Variants in CREG2 observed in about 807,000 individuals in gnomAD.
CREG2 encodes cellular repressor of E1A stimulated genes 2.
In CREG2, 24 loss-of-function variants were observed where a neutral mutation model predicts 26.2. The observed-to-expected ratio is 0.92, with a 90% CI of 0.66 to 1.29. The LOEUF (loss-of-function observed/expected upper bound fraction) is 1.29, where lower values mean the gene tolerates loss of function less well. CREG2 is among the 50% of genes most tolerant of loss of function. CREG2 has a pLI of 0.00. For synonymous variants in CREG2, 174 were observed against 169.2 expected, an observed-to-expected ratio of 1.03 and a Z score of -0.22; for missense variants, 366 against 398.6, an observed-to-expected ratio of 0.92 and a Z score of 0.70.
intron 2 of CREG2, among the ~76,000 whole-genome samples, chr2:101,363,526 T>C (rs764886095): frequency 2.0e-5 from 3 of 152,196 alleles, no homozygotes; most frequent in Non-Finnish European, 4.4e-5. Context: ...GATAGTATAT[T>C]TAAAAGTCTG....
intron 2 of CREG2, among the ~76,000 whole-genome samples, chr2:101,358,960 G>A (rs1279247768): frequency 5.8e-5 from 3 of 51,296 alleles, no homozygotes; most frequent in African/African-American, 1.3e-4. Context: ...GCGTGAACCC[G>A]GGAGGCGGAG....
chr2:101,355,283 ACTT>A lies in CREG2; in HGVS notation c.692_694del (p.Glu231del), dbSNP rs976070973. Reference sequence around the variant, plus strand: ...AAACATGGCTTGCTTGGCAAATTCTACTTCTTCTGGAGACACTGCGATCATCTG... The same window carrying A: ...AAACATGGCTTGCTTGGCAAATTCTACTTCTGGAGACACTGCGATCATCTG... On this transcript the variant is annotated inframe_deletion, in exon 3 of 4. Transcript: ENST00000324768. 4.3e-6 allele frequency: 7 copies of A among 1,613,428 alleles called. No individual in the cohort carries two copies. The highest frequency in any genetic ancestry group is 2.7e-5 in the African/African-American group (2 of 74,910).
intron 2 of CREG2, 98 bp downstream of exon 2, chr2:101,383,435 G>T: frequency 8.9e-7 from 1 of 1,118,928 alleles, no homozygotes; most frequent in Non-Finnish European, 1.3e-6. Flanking sequence ...GCATCTCAGA[G>T]TTCTGTTAAA....
At chr2:101,360,313 G>T (rs1684520898) in intron 2 of CREG2, among the ~76,000 whole-genome samples, 1 of 152,116 alleles carries the variant, frequency 6.6e-6, no homozygotes, top group Admixed American at 6.5e-5. Flanking sequence ...CCACAGATAG[G>T]TCTGTGGCTT....
chr2:101,367,405 C>T (rs562552437), intron 2 of CREG2, among the ~76,000 whole-genome samples: 1 of 152,296 alleles, frequency 6.6e-6, no homozygotes, highest in African/African-American at 2.4e-5. Flanking sequence ...TTGAATCTCA[C>T]ATGTGTTTGA....
chr2:101,354,796 C>T (rs937308085), intron 3 of CREG2, among the ~76,000 whole-genome samples: 4 of 151,878 alleles, frequency 2.6e-5, no homozygotes, highest in East Asian at 1.9e-4. Flanking sequence ...GCCTCATTTC[C>T]GGAGAGTTTG....
At chr2:101,377,291 T>G (rs552068306) in intron 2 of CREG2, among the ~76,000 whole-genome samples, 1 of 152,236 alleles carries the variant, frequency 6.6e-6, no homozygotes, top group African/African-American at 2.4e-5. Flanking sequence ...GAAAAGCATC[T>G]GATAAAACCT....
chr2:101,385,037 G>A (rs1468046187), intron 1 of CREG2, among the ~76,000 whole-genome samples: 1 of 152,160 alleles, frequency 6.6e-6, no homozygotes, highest in Non-Finnish European at 1.5e-5. Flanking sequence ...ATGCAGAACT[G>A]TGAGCCAAAT....
intron 2 of CREG2, among the ~76,000 whole-genome samples, chr2:101,356,409 GTTA>G (rs1169500658): frequency 2.6e-5 from 4 of 152,204 alleles, no homozygotes; most frequent in African/African-American, 9.7e-5. Context: ...AAAATGGGGA[GTTA>G]TTATTCAGAG....
rs535426667 is a variant in CREG2, at chr2:101,353,891, C to T, written c.725+1362G>A. On this transcript the variant is annotated intron_variant, in intron 3 of 3. Transcript: ENST00000324768. Reference sequence around the variant, plus strand: ...AAAAAAACCAAACACTGCATGTTCTCACTCATAAGTGGGAGTTGAACAATG... The same window carrying T: ...AAAAAAACCAAACACTGCATGTTCTTACTCATAAGTGGGAGTTGAACAATG... 5.9e-5 allele frequency among the ~76,000 whole-genome samples: 9 copies of T among 152,300 alleles called. No homozygotes were observed. The South Asian group carries it at 1.7e-3, about 28-fold the overall frequency.
intron 2 of CREG2, among the ~76,000 whole-genome samples, chr2:101,374,056 G>A (rs923074889): frequency 2.0e-5 from 3 of 152,116 alleles, no homozygotes; most frequent in African/African-American, 7.2e-5. Context: ...TGTAGAGATG[G>A]GGTTTCACCC....
In CREG2 at chr2:101,349,123, C is replaced by T. The variant is rs1055389988; in HGVS notation, c.*1800G>A. The T allele has an allele frequency of 6.6e-6, 1 of 152,632 alleles. No homozygotes were observed. Among genetic ancestry groups the T allele is most frequent in the African/African-American group, 2.4e-5 (1 of 41,442 alleles). 9.5% of individuals were successfully genotyped at this position (152,632 alleles called of 1,614,324 possible). On this transcript the variant is annotated 3_prime_UTR_variant, in exon 4 of 4. Transcript: ENST00000324768. Reference sequence around the variant, plus strand: ...AAGACAGGATCAGGAGGCAGAGAAGCTCCCAGTATTAAGGTGTGAGGTTGA... The same window carrying T: ...AAGACAGGATCAGGAGGCAGAGAAGTTCCCAGTATTAAGGTGTGAGGTTGA...
At chr2:101,360,220 C>G (rs1359909068) in intron 2 of CREG2, among the ~76,000 whole-genome samples, 1 of 152,136 alleles carries the variant, frequency 6.6e-6, no homozygotes, top group African/African-American at 2.4e-5. Context: ...TACCACCTAC[C>G]TGCCTCTCTT....
intron 2 of CREG2, among the ~76,000 whole-genome samples, chr2:101,381,645 GT>G (rs1321399086): frequency 6.6e-6 from 1 of 152,220 alleles, no homozygotes. Context: ...CTGAGAAACA[GT>G]TTTACAAGAA....
chr2:101,346,265 TA>T lies in CREG2; in HGVS notation c.*4657del, dbSNP rs1484492989. On this transcript the variant is annotated 3_prime_UTR_variant, in exon 4 of 4. Transcript: ENST00000324768. ...CATGGATATATATAGTCACTGTAAA[TA>T]AAAACATGGTGGTCTGGATAGACTT... 1 of 152,172 alleles carries T rather than the reference TA, an allele frequency of 6.6e-6. No homozygotes were observed. Among genetic ancestry groups the T allele is most frequent in the Non-Finnish European group, 1.5e-5 (1 of 68,028 alleles). 9.4% of individuals were successfully genotyped at this position (152,172 alleles called of 1,614,324 possible). A position where few individuals can be genotyped will look rare whatever the true frequency, so the allele number is the denominator to read the frequency against.
At chr2:101,367,987 C>T (rs2104477481) in intron 2 of CREG2, among the ~76,000 whole-genome samples, 1 of 152,274 alleles carries the variant, frequency 6.6e-6, no homozygotes, top group African/African-American at 2.4e-5. Context: ...GCCCTCTAGA[C>T]CTTAAAAGAA....
Position 101,362,339 on chromosome 2 carries a change from T to G in CREG2, c.612-6973A>C, listed in dbSNP as rs533507206. ...AAAAATCTCATTTCGTTGACATTGT[T>G]TAGCCCCTAAGAAAATCCTTCCTCT... On this transcript the variant is annotated intron_variant, in intron 2 of 3. Coordinates refer to ENST00000324768, the MANE Select transcript of CREG2 (RefSeq NM_153836.4). 2.0e-5 allele frequency among the ~76,000 whole-genome samples: 3 copies of G among 152,322 alleles called. No individual in the cohort carries two copies. In the South Asian group the frequency reaches 6.2e-4, roughly 32 times the overall value.
chr2:101,381,093 C>T (rs1684865342), intron 2 of CREG2, among the ~76,000 whole-genome samples: 1 of 152,176 alleles, frequency 6.6e-6, no homozygotes, highest in Non-Finnish European at 1.5e-5. Flanking sequence ...TCTTGAATCT[C>T]CCCGCTCCTG....
chr2:101,370,574 C>T lies in CREG2; in HGVS notation c.611+12959G>A, dbSNP rs528656275. ...AATTAGAAGCCCTTTTCTCTAATGT[C>T]GTGATCCTCTTATTTAACTGTGGAT... is the stretch of plus-strand genomic sequence containing the variant. On this transcript the variant is annotated intron_variant, in intron 2 of 3. Coordinates refer to ENST00000324768, the MANE Select transcript of CREG2 (RefSeq NM_153836.4). 3.9e-5 allele frequency among the ~76,000 whole-genome samples: 6 copies of T among 152,284 alleles called. No individual in the cohort carries two copies. The South Asian group carries it at 1.0e-3, about 26-fold the overall frequency.
Sources: gnomAD v4.1 joint callset for allele counts (sites outside exome capture counted in the v4.1 genomes callset) on GRCh38, gnomAD v4.1.1 for gene constraint, MANE v1.5 for transcripts, NCBI Gene and HGNC (gene_info 2026-07-23, HGNC 2026-07-21) for gene names.